Variants in EGFL6 observed in about 807,000 individuals in gnomAD.
The protein encoded by EGFL6 is EGF like domain multiple 6.
A neutral mutation model predicts 43.1 loss-of-function variants in EGFL6; 42 were observed. The observed-to-expected ratio is 0.98, with a 90% CI of 0.76 to 1.26. The LOEUF (loss-of-function observed/expected upper bound fraction) is 1.26, where lower values mean the gene tolerates loss of function less well. EGFL6 is among the 50% of genes most tolerant of loss of function. The pLI, the probability that EGFL6 is intolerant of heterozygous loss-of-function variation, is 0.00. For synonymous variants in EGFL6, 164 were observed against 163.2 expected (o/e 1.01, Z -0.04); for missense variants, 429 against 427.8 (o/e 1.00, Z -0.02).
intron 1 of EGFL6, among the ~76,000 whole-genome samples, chrX:13,578,139 G>A (rs1233317364): frequency 9.0e-6 from 1 of 111,038 alleles, no homozygotes; most frequent in Non-Finnish European, 1.9e-5. Context: ...TTGCTCTTCA[G>A]TACGTTCTGC....
rs533366667 is a variant in EGFL6, at chrX:13,582,865, C to T, written c.75-6691C>T. On this transcript the variant is annotated intron_variant, in intron 1 of 11. Transcript: ENST00000361306. ...GGTTTGACCACCTGTACCAAGGACT[C>T]GTGGCTGGTTTCTGATTAGGCTTTT... Among the ~76,000 whole-genome samples, 29 of 111,699 alleles carry T rather than the reference C, an allele frequency of 2.6e-4. No homozygotes were observed. The South Asian group carries it at 7.2e-3, about 28-fold the overall frequency.
At chrX:13,601,682 G>A (rs2045634943) in intron 4 of EGFL6, among the ~76,000 whole-genome samples, 2 of 111,998 alleles carry the variant, frequency 1.8e-5, no homozygotes, top group Admixed American at 1.9e-4. Flanking sequence ...TTGAAAATGG[G>A]CATTGGAAGG....
intron 7 of EGFL6, among the ~76,000 whole-genome samples, chrX:13,609,708 C>T (rs766687776): frequency 2.7e-5 from 3 of 111,108 alleles, no homozygotes; most frequent in African/African-American, 3.3e-5. Context: ...GAGCCGAGAT[C>T]GCACCACTGC....
At chrX:13,615,032 G>A (rs1023305237) in intron 7 of EGFL6, among the ~76,000 whole-genome samples, 3 of 112,234 alleles carry the variant, frequency 2.7e-5, no homozygotes, top group Middle Eastern at 4.6e-3. Flanking sequence ...GATTACAGGC[G>A]TGAGCCACCA....
In EGFL6 at chrX:13,617,819, A is replaced by G. The variant is rs779597002; in HGVS notation, c.868A>G (p.Met290Val). 6.6e-6 allele frequency: 8 copies of G among 1,210,110 alleles called. No individual in the cohort carries two copies. The highest frequency in any genetic ancestry group is 2.2e-5 in the Admixed American group (1 of 45,750). ...IKKLLAHKNS[M>V]KKKAKIKNVT... ...GAAGTTGCTTGCTCACAAAAACAGCATGAAAAAGAAGGCAAAAATTAAAAA... is the reference window on the plus strand; with the variant it reads ...GAAGTTGCTTGCTCACAAAAACAGCGTGAAAAAGAAGGCAAAAATTAAAAA... The change falls in exon 8 of 12, where the codon ATG (methionine) becomes GTG (valine). Residue 290 changes from methionine to valine, a missense_variant. Met to Val is a conservative substitution (Grantham distance 21). Transcript: ENST00000361306.
chrX:13,576,343 C>T (rs760014605), intron 1 of EGFL6, among the ~76,000 whole-genome samples: 72 of 111,683 alleles, frequency 6.4e-4, no homozygotes, highest in African/African-American at 2.2e-3. Flanking sequence ...GAGGACAACA[C>T]CAAGGGGATG....
At chrX:13,573,534 A>C (rs760449504) in intron 1 of EGFL6, among the ~76,000 whole-genome samples, 3 of 112,345 alleles carry the variant, frequency 2.7e-5, no homozygotes, top group Non-Finnish European at 5.6e-5. Flanking sequence ...GCATAAATCA[A>C]GGCTATGTAA....
At position 13,584,392 on chromosome X, in the gene EGFL6, G is replaced by A; in HGVS notation, c.75-5164G>A. ...CTCTTTGGTCCATCTCTTACATGCT[G>A]GCATCTTTGGGACTGTGCCCTAAGC... On this transcript the variant is annotated intron_variant, in intron 1 of 11. Coordinates refer to ENST00000361306, the MANE Select transcript of EGFL6 (RefSeq NM_015507.4). Among the ~76,000 whole-genome samples the A allele has an allele frequency of 2.7e-5, 3 of 111,639 alleles. No homozygotes were observed. The Admixed American group carries it at 2.8e-4, about 11-fold the overall frequency.
Position 13,617,800 on chromosome X carries a change from G to A in EGFL6, c.849G>A (p.Leu283=), listed in dbSNP as rs1569208871. 2 of 1,211,596 alleles carry A rather than the reference G, an allele frequency of 1.7e-6. No individual in the cohort carries two copies. The highest frequency in any genetic ancestry group is 2.2e-6 in the Non-Finnish European group (2 of 895,372). ...CCATCAAAGACAGAATCAAGAAGTT[G>A]CTTGCTCACAAAAACAGCATGAAAA... ...PGTIKDRIKK[L]LAHKNSMKKK... is the part of the protein sequence containing the mutation. The change falls in exon 8 of 12, where the codon TTG becomes TTA. Residue 283 remains leucine (L), a synonymous_variant. Transcript: ENST00000361306.
At chrX:13,597,584 G>A (rs964547096) in intron 3 of EGFL6, among the ~76,000 whole-genome samples, 1 of 111,702 alleles carries the variant, frequency 9.0e-6, no homozygotes, top group Non-Finnish European at 1.9e-5. Flanking sequence ...AAGAGTTTGA[G>A]ACCAGCCTGG....
intron 2 of EGFL6, among the ~76,000 whole-genome samples, chrX:13,592,975 C>T (rs1411062202): frequency 2.0e-5 from 2 of 100,421 alleles, no homozygotes; most frequent in Non-Finnish European, 4.0e-5. Context: ...AGTGCAGCAG[C>T]GCAATCTCAG....
At chrX:13,632,055 T>C (rs1324247947) in intron 11 of EGFL6, among the ~76,000 whole-genome samples, 1 of 110,525 alleles carries the variant, frequency 9.0e-6, no homozygotes, top group Non-Finnish European at 1.9e-5. Flanking sequence ...ATAAATTTAT[T>C]AGACAAAAGT....
chrX:13,629,295 G>T (rs187182682), intron 11 of EGFL6, among the ~76,000 whole-genome samples: 1 of 112,558 alleles, frequency 8.9e-6, no homozygotes, highest in African/African-American at 3.2e-5. Flanking sequence ...CCCTGCTGGA[G>T]AATTGAAACA....
intron 2 of EGFL6, among the ~76,000 whole-genome samples, chrX:13,594,171 CTGTT>C (rs1183021957): frequency 8.9e-6 from 1 of 111,853 alleles, no homozygotes; most frequent in Non-Finnish European, 1.9e-5. Flanking sequence ...TCATCTTTGA[CTGTT>C]TGTTTTCTTG....
intron 1 of EGFL6, among the ~76,000 whole-genome samples, chrX:13,587,471 C>T (rs2045539862): frequency 9.0e-6 from 1 of 111,273 alleles, no homozygotes. Flanking sequence ...TGAGTATTTA[C>T]CATTTCTATG....
intron 7 of EGFL6, among the ~76,000 whole-genome samples, chrX:13,615,113 A>C (rs576359371): frequency 8.9e-6 from 1 of 112,521 alleles, no homozygotes; most frequent in Admixed American, 9.4e-5. Context: ...TTAAGAGAAA[A>C]CCGTCATAAT....
chrX:13,595,697 G>A (rs1317036561), intron 3 of EGFL6, among the ~76,000 whole-genome samples: 1 of 110,201 alleles, frequency 9.1e-6, no homozygotes, highest in African/African-American at 3.3e-5. Context: ...TGAACAACGT[G>A]CATATTTTTA....
chrX:13,589,942 T>C (rs751042516), intron 2 of EGFL6, among the ~76,000 whole-genome samples: 1 of 112,850 alleles, frequency 8.9e-6, no homozygotes, highest in East Asian at 2.8e-4. Context: ...TTTTTGGTTT[T>C]CTTTTTAATC....
intron 1 of EGFL6, among the ~76,000 whole-genome samples, chrX:13,582,501 A>G (rs749455233): frequency 3.6e-5 from 4 of 111,736 alleles, no homozygotes; most frequent in Non-Finnish European, 7.5e-5. Context: ...TACAGCAGAT[A>G]AGAAATCTTA....
Sources: gnomAD v4.1 joint callset for allele counts (sites outside exome capture counted in the v4.1 genomes callset) on GRCh38, gnomAD v4.1.1 for gene constraint, MANE v1.5 for transcripts, NCBI Gene and HGNC (gene_info 2026-07-23, HGNC 2026-07-21) for gene names.